The following CDH4 variants were observed in gnomAD, a reference collection of about 807,000 sequenced individuals.
CDH4 encodes the protein cadherin-4.
A neutral mutation model predicts 86.0 loss-of-function variants in CDH4; 33 were observed. The ratio of observed to expected loss-of-function variants is 0.38; its 90% confidence interval spans 0.29 to 0.51. The LOEUF is 0.51. Among genes scored for constraint, CDH4 ranks in the 20% least tolerant of loss-of-function variants. The pLI is 0.86. For missense variants in CDH4, 1,114 were observed against 1,307.4 expected (o/e 0.85, Z 2.28); for synonymous variants, 555 against 549.4 (o/e 1.01, Z -0.14).
chr20:61,648,156 A>C (rs1421769546), intron 2 of CDH4, among the ~76,000 whole-genome samples: 1 of 152,204 alleles, frequency 6.6e-6, no homozygotes, highest in East Asian at 1.9e-4. Flanking sequence ...CCATCGATTG[A>C]GTATTGCAGG....
At chr20:61,788,274 C>T (rs536883464) in intron 4 of CDH4, among the ~76,000 whole-genome samples, 4 of 152,160 alleles carry the variant, frequency 2.6e-5, no homozygotes, top group Admixed American at 2.6e-4. Flanking sequence ...TTCTGCTTCA[C>T]TTTGTGTGTG....
chr20:61,264,673 T>C (rs1375211352), intron 2 of CDH4, among the ~76,000 whole-genome samples: 1 of 150,056 alleles, frequency 6.7e-6, no homozygotes. Context: ...GGCTCCTTCA[T>C]TCAATCTTAC....
intron 4 of CDH4, among the ~76,000 whole-genome samples, chr20:61,778,004 TACACACATGC>T (rs1357510770): frequency 6.6e-6 from 1 of 152,226 alleles, no homozygotes; most frequent in East Asian, 1.9e-4. Flanking sequence ...GTGCACACTA[TACACACATGC>T]ACACATGTGC....
At chr20:61,718,563 C>T in intron 2 of CDH4, 1 of 341,400 alleles carries the variant, frequency 2.9e-6, no homozygotes, top group Non-Finnish European at 5.8e-6. Context: ...CGATCACAGC[C>T]AAGCACCACC....
rs2087138479 is a variant in CDH4, at chr20:61,652,938, A to ATTTTTATTTTTTTTTT, written c.170-90620_170-90619insATTTTTTTTTTTTTTT. Among the ~76,000 whole-genome samples, 429 of 97,180 alleles carry ATTTTTATTTTTTTTTT rather than the reference A, an allele frequency of 4.4e-3. 6 individuals are homozygous for ATTTTTATTTTTTTTTT. The highest frequency in any genetic ancestry group is 0.011 in the Middle Eastern group (2 of 186). 63.8% of individuals were successfully genotyped at this position (97,180 alleles called of 152,430 possible). ...TTTGAATTTATTTATTTATTTATTTATTTTTTTTTTTTTTTTTATTGATCA... is the reference window on the plus strand; with the variant it reads ...TTTGAATTTATTTATTTATTTATTTATTTTTATTTTTTTTTTTTTTTTTTTTTTTTTTTATTGATCA... On this transcript the variant is annotated intron_variant, in intron 2 of 15. Coordinates refer to ENST00000614565, the MANE Select transcript of CDH4 (RefSeq NM_001794.5).
intron 9 of CDH4, among the ~76,000 whole-genome samples, chr20:61,917,618 C>A (rs1270395706): frequency 6.6e-6 from 1 of 152,232 alleles, no homozygotes; most frequent in African/African-American, 2.4e-5. Context: ...GGGAGCAGGG[C>A]AGACGTCCTG....
intron 7 of CDH4, among the ~76,000 whole-genome samples, chr20:61,885,082 G>A (rs1191094934): frequency 6.6e-6 from 1 of 152,070 alleles, no homozygotes; most frequent in Non-Finnish European, 1.5e-5. Flanking sequence ...GTGGACATAG[G>A]GTGCTGAGTC....
intron 2 of CDH4, among the ~76,000 whole-genome samples, chr20:61,579,536 C>G (rs962025961): frequency 3.3e-5 from 5 of 152,132 alleles, no homozygotes; most frequent in African/African-American, 1.2e-4. Context: ...ATCCTCCTGC[C>G]TCAGCCTCCC....
Position 61,725,259 on chromosome 20 carries a change from G to T in CDH4, c.170-18304G>T, listed in dbSNP as rs143285630. Among the ~76,000 whole-genome samples the T allele has an allele frequency of 5.2e-3, 796 of 152,218 alleles. 11 individuals are homozygous for T. The highest frequency in any genetic ancestry group is 0.036 in the South Asian group (174 of 4,786). On this transcript the variant is annotated intron_variant, in intron 2 of 15. Transcript: ENST00000614565. ...GTGGCACCGTCCACCTGCACACACC[G>T]CAGCGTAGGAAGGGCCTTGCCCCGC...
At chr20:61,589,765 A>G (rs998632880) in intron 2 of CDH4, among the ~76,000 whole-genome samples, 3 of 151,660 alleles carry the variant, frequency 2.0e-5, no homozygotes, top group Non-Finnish European at 4.4e-5. Flanking sequence ...CTCTCCCCCC[A>G]TATTTAACTA....
Position 61,841,714 on chromosome 20 carries a change from C to T in CDH4, c.577-2954C>T, listed in dbSNP as rs191064977. 2.0e-4 allele frequency among the ~76,000 whole-genome samples: 30 copies of T among 152,080 alleles called. No individual in the cohort carries two copies. In the East Asian group the frequency reaches 5.3e-3, roughly 27 times the overall value. On this transcript the variant is annotated intron_variant, in intron 4 of 15. Coordinates refer to ENST00000614565, the MANE Select transcript of CDH4 (RefSeq NM_001794.5). ...GGTGCATTGCGGGGGGGAACAAAGA[C>T]GCTCCTCACAGACTGTGAGTGTGTG... is the stretch of plus-strand genomic sequence containing the variant.
At chr20:61,876,819 A>G (rs981334537) in intron 7 of CDH4, among the ~76,000 whole-genome samples, 1 of 152,170 alleles carries the variant, frequency 6.6e-6, no homozygotes, top group African/African-American at 2.4e-5. Flanking sequence ...AAACAGCTAA[A>G]GCTTTCCCAC....
intron 4 of CDH4, among the ~76,000 whole-genome samples, chr20:61,797,005 G>A (rs1279437649): frequency 2.0e-5 from 3 of 152,156 alleles, no homozygotes; most frequent in Non-Finnish European, 4.4e-5. Context: ...CCCCACTGGG[G>A]AGGCAGTGCC....
chr20:61,362,481 G>A (rs1040511486), intron 2 of CDH4, among the ~76,000 whole-genome samples: 1 of 151,098 alleles, frequency 6.6e-6, no homozygotes, highest in Non-Finnish European at 1.5e-5. Context: ...GGGGAGAGCA[G>A]AGACATGGCC....
chr20:61,829,911 G>A lies in CDH4; in HGVS notation c.577-14757G>A, dbSNP rs115221642. On this transcript the variant is annotated intron_variant, in intron 4 of 15. Transcript: ENST00000614565. This position sits in a 1 kb window ranked among gnomAD's most constrained non-coding sequence, Gnocchi z 4.2. Reference sequence around the variant, plus strand: ...GGTGGGAGGGACGAGGCTCCTGCCCGGCCGGCCCTGGGGCTGGGAGGCAGG... The same window carrying A: ...GGTGGGAGGGACGAGGCTCCTGCCCAGCCGGCCCTGGGGCTGGGAGGCAGG... 0.054 allele frequency among the ~76,000 whole-genome samples: 8,219 copies of A among 152,084 alleles called. 442 individuals are homozygous for A. The highest frequency in any genetic ancestry group is 0.14 in the African/African-American group (5,980 of 41,458).
intron 2 of CDH4, among the ~76,000 whole-genome samples, chr20:61,356,553 C>T (rs190363102): frequency 2.0e-5 from 3 of 152,274 alleles, no homozygotes; most frequent in East Asian, 1.9e-4. Context: ...AAAAGCCGTG[C>T]AGTTGCTTTT....
At chr20:61,390,443 A>G (rs1390541792) in intron 2 of CDH4, among the ~76,000 whole-genome samples, 31 of 122,290 alleles carry the variant, frequency 2.5e-4, no homozygotes, top group African/African-American at 2.2e-4. Flanking sequence ...CCATAGCACC[A>G]TGTCTAGGAA....
intron 2 of CDH4, among the ~76,000 whole-genome samples, chr20:61,549,650 G>A (rs757303371): frequency 3.8e-4 from 58 of 152,182 alleles, no homozygotes; most frequent in Non-Finnish European, 7.1e-4. Context: ...CGTCAAGCAC[G>A]TGCTGGGAGA....
intron 2 of CDH4, among the ~76,000 whole-genome samples, chr20:61,547,876 G>A (rs1276738792): frequency 3.3e-5 from 5 of 152,208 alleles, no homozygotes; most frequent in Admixed American, 2.0e-4. Context: ...CTGGCAGAGC[G>A]ACTGTATCCG....
Sources: allele counts gnomAD v4.1 joint callset (sites outside exome capture counted in the v4.1 genomes callset), GRCh38; gene constraint gnomAD v4.1.1; non-coding constraint Gnocchi (gnomAD v3.1); transcripts MANE v1.5; gene names NCBI Gene and HGNC (gene_info 2026-07-23, HGNC 2026-07-21).